HDAC1: variants seen among roughly 807,000 people sequenced by gnomAD.
The protein encoded by HDAC1 is protein deacetylase HDAC1.
Under a neutral mutation model 65.5 loss-of-function variants are expected in HDAC1, and 18 were observed. That is an observed-to-expected ratio of 0.27 (90% confidence interval 0.19 to 0.41). The LOEUF is 0.41. Ranked by LOEUF, HDAC1 falls within the 10% of genes least tolerant of loss-of-function variation. HDAC1 has a pLI of 1.00. For synonymous variants in HDAC1, 211 were observed against 227.9 expected (o/e 0.93, Z 0.67); for missense variants, 373 against 625.2 (o/e 0.60, Z 4.30).
intron 2 of HDAC1, among the ~76,000 whole-genome samples, chr1:32,306,213 A>G (rs1640909407): frequency 7.1e-6 from 1 of 140,454 alleles, no homozygotes; most frequent in African/African-American, 2.7e-5. Context: ...TTTTTGAGAC[A>G]GAGTTTTGCT....
intron 1 of HDAC1, among the ~76,000 whole-genome samples, chr1:32,298,011 C>G (rs896972763): frequency 6.0e-5 from 9 of 150,772 alleles, no homozygotes; most frequent in Non-Finnish European, 1.3e-4. Context: ...GGATGGTCTC[C>G]ATCTCCTGAC....
chr1:32,305,817 C>G lies in HDAC1; in HGVS notation c.162+3084C>G, dbSNP rs555406788. On this transcript the variant is annotated intron_variant, in intron 2 of 13. Coordinates refer to ENST00000373548, the MANE Select transcript of HDAC1 (RefSeq NM_004964.3). ...TAGAGATGGGGTTTTGCTGTGTTAA[C>G]CAGGCTGGTCTGAAACTCCTAGGCT... Among the ~76,000 whole-genome samples, 276 of 152,250 alleles carry G rather than the reference C, an allele frequency of 1.8e-3. 2 individuals are homozygous for G. Among genetic ancestry groups the G allele is most frequent in the African/African-American group, 6.3e-3 (262 of 41,556 alleles).
intron 3 of HDAC1, among the ~76,000 whole-genome samples, chr1:32,322,792 G>T (rs756718366): frequency 3.3e-5 from 5 of 152,098 alleles, no homozygotes; most frequent in East Asian, 1.9e-4. Flanking sequence ...ACTGGGCTAC[G>T]GGAGTCAAGA....
At chr1:32,309,348 G>C (rs936132461) in intron 2 of HDAC1, among the ~76,000 whole-genome samples, 7 of 152,232 alleles carry the variant, frequency 4.6e-5, no homozygotes, top group South Asian at 2.1e-4. Flanking sequence ...ACAGCTTTTT[G>C]GGGGAATTGG....
chr1:32,301,701 C>T (rs1019189403), intron 1 of HDAC1, among the ~76,000 whole-genome samples: 2 of 151,980 alleles, frequency 1.3e-5, no homozygotes, highest in Non-Finnish European at 2.9e-5. Flanking sequence ...ACCCAGGAGG[C>T]GAAGGTTGCA....
At chr1:32,325,983 C>T (rs1557610819) in intron 4 of HDAC1, among the ~76,000 whole-genome samples, 1 of 151,410 alleles carries the variant, frequency 6.6e-6, no homozygotes, top group African/African-American at 2.4e-5. Flanking sequence ...GCCGAGATCG[C>T]GCCACTGCAC....
At chr1:32,302,465 T>C (rs900766731) in intron 1 of HDAC1, among the ~76,000 whole-genome samples, 156 bp from the exon 2 acceptor site, 28 of 151,106 alleles carry the variant, frequency 1.9e-4, no homozygotes, top group Non-Finnish European at 4.1e-4. Context: ...TTTTTTTTTT[T>C]CTTTTGGAGT....
In HDAC1 at chr1:32,330,653, G is replaced by A; in HGVS notation, c.805G>A (p.Asp269Asn). ...LQCGSDSLSG[D>N]RLGCFNLTIK... ...GTGTGGCTCAGACTCCCTATCTGGG[G>A]ATCGGTTAGGTTGCTTCAATCTAAC... Residue 269 changes from aspartate (D) to asparagine (N), a missense_variant, in exon 8 of 14, where the codon GAT (aspartate) becomes AAT (asparagine). Asp to Asn is a conservative substitution (Grantham distance 23). Coordinates refer to ENST00000373548, the MANE Select transcript of HDAC1 (RefSeq NM_004964.3). The surrounding 1 kb of genome is among the most constrained non-coding windows in gnomAD (Gnocchi z 4.2). The A allele has an allele frequency of 6.2e-7, 1 of 1,613,910 alleles. No individual in the cohort carries two copies.
chr1:32,322,102 C>T (rs1641155352), intron 3 of HDAC1, among the ~76,000 whole-genome samples: 1 of 152,104 alleles, frequency 6.6e-6, no homozygotes, highest in African/African-American at 2.4e-5. Context: ...TGAGATTTTA[C>T]CAGCACAATC....
intron 2 of HDAC1, among the ~76,000 whole-genome samples, chr1:32,311,383 G>A (rs1324538692): frequency 6.6e-6 from 1 of 151,940 alleles, no homozygotes; most frequent in Non-Finnish European, 1.5e-5. Context: ...CGGGAGAATC[G>A]CTGAACTTGG....
chr1:32,312,383 T>C (rs1445507020), intron 2 of HDAC1, among the ~76,000 whole-genome samples: 1 of 151,872 alleles, frequency 6.6e-6, no homozygotes, highest in African/African-American at 2.4e-5. Context: ...TTCTTTGTGA[T>C]GTAGTTTCAC....
At chr1:32,296,737 G>A (rs1640771588) in intron 1 of HDAC1, among the ~76,000 whole-genome samples, 2 of 152,128 alleles carry the variant, frequency 1.3e-5, no homozygotes, top group African/African-American at 4.8e-5. Context: ...TGTTGATAAG[G>A]GAGATGGAGA....
intron 2 of HDAC1, among the ~76,000 whole-genome samples, chr1:32,309,680 C>CAAAAAAAAAAAAAA (rs560312057): frequency 2.0e-5 from 1 of 50,916 alleles, no homozygotes. Context: ...GAGCGAGTCT[C>CAAAAAAAAAAAAAA]AAAAAAAAAA....
intron 1 of HDAC1, among the ~76,000 whole-genome samples, chr1:32,294,227 C>T (rs1231469170): frequency 6.6e-6 from 1 of 151,588 alleles, no homozygotes; most frequent in Non-Finnish European, 1.5e-5. Flanking sequence ...ACTGCAACTG[C>T]AACCTCCACC....
At chr1:32,305,296 A>G (rs1056016077) in intron 2 of HDAC1, among the ~76,000 whole-genome samples, 2 of 152,202 alleles carry the variant, frequency 1.3e-5, no homozygotes, top group Non-Finnish European at 2.9e-5. Context: ...TACTGCTGCT[A>G]TGAACTTTCT....
intron 2 of HDAC1, among the ~76,000 whole-genome samples, chr1:32,306,783 A>C (rs751113062): frequency 2.0e-5 from 3 of 152,104 alleles, no homozygotes; most frequent in African/African-American, 4.8e-5. Context: ...TAGTATGCCC[A>C]GTAGATTCCT....
intron 1 of HDAC1, among the ~76,000 whole-genome samples, chr1:32,297,561 A>G (rs1474246966): frequency 6.6e-6 from 1 of 152,104 alleles, no homozygotes; most frequent in Non-Finnish European, 1.5e-5. Context: ...CTGCCTCAAA[A>G]AAAGAAAAAG....
chr1:32,303,318 A>G (rs1354064169), intron 2 of HDAC1, among the ~76,000 whole-genome samples: 1 of 152,110 alleles, frequency 6.6e-6, no homozygotes, highest in African/African-American at 2.4e-5. Context: ...TTAGCCAGGC[A>G]TGGTGGCACA....
At chr1:32,314,549 G>T (rs534201460) in intron 2 of HDAC1, among the ~76,000 whole-genome samples, 1 of 151,844 alleles carries the variant, frequency 6.6e-6, no homozygotes, top group South Asian at 2.1e-4. Flanking sequence ...ATATTTCGCC[G>T]GGCAAGGTGG....
Sources: allele counts gnomAD v4.1 joint callset (sites outside exome capture counted in the v4.1 genomes callset), GRCh38; gene constraint gnomAD v4.1.1; non-coding constraint Gnocchi (gnomAD v3.1); transcripts MANE v1.5; gene names NCBI Gene and HGNC (gene_info 2026-07-23, HGNC 2026-07-21).